ERBB4: variants seen among roughly 807,000 people sequenced by gnomAD.
The protein encoded by ERBB4 is erb-b2 receptor tyrosine kinase 4, also known as receptor tyrosine-protein kinase erbB-4.
A neutral mutation model predicts 158.0 loss-of-function variants in ERBB4; 42 were observed. The observed-to-expected ratio is 0.27, with a 90% CI of 0.21 to 0.34. ERBB4 has a LOEUF of 0.34. ERBB4 is among the 10% of genes least tolerant of loss of function. The pLI, the probability that ERBB4 is intolerant of heterozygous loss-of-function variation, is 1.00. For missense variants in ERBB4, 1,333 were observed against 1,624.1 expected (o/e 0.82, Z 3.08); for synonymous variants, 583 against 558.7 (o/e 1.04, Z -0.61).
chr2:212,332,258 T>C (rs2106297058), intron 1 of ERBB4, among the ~76,000 whole-genome samples: 1 of 152,116 alleles, frequency 6.6e-6, no homozygotes, highest in South Asian at 2.1e-4. Context: ...TTTGCTTGGC[T>C]CTCATTCTCT....
At position 211,892,496 on chromosome 2, in the gene ERBB4, A is replaced by C. The variant is rs1231846246; in HGVS notation, c.421+54934T>G. On this transcript the variant is annotated intron_variant, in intron 3 of 27. Coordinates refer to ENST00000342788, the MANE Select transcript of ERBB4 (RefSeq NM_005235.3). ...GGAAGCATTCCCTTTGAAAACTGGCACAAGACAGGGATGCCCTCTCTCACC... is the reference window on the plus strand; with the variant it reads ...GGAAGCATTCCCTTTGAAAACTGGCCCAAGACAGGGATGCCCTCTCTCACC... Among the ~76,000 whole-genome samples the C allele has an allele frequency of 2.2e-5, 3 of 137,194 alleles. 1 individual carries two copies. The highest frequency in any genetic ancestry group is 4.7e-5 in the Non-Finnish European group (3 of 64,046). The allele number at this position is 137,194 out of a possible 152,430, so 90.0% of individuals were successfully genotyped here. A position where few individuals can be genotyped will look rare whatever the true frequency, so the allele number is the denominator to read the frequency against.
chr2:211,951,546 A>ATATT (rs1470798877), intron 2 of ERBB4, among the ~76,000 whole-genome samples: 1 of 152,118 alleles, frequency 6.6e-6, no homozygotes, highest in Non-Finnish European at 1.5e-5. Flanking sequence ...ATTACTAAAT[A>ATATT]TATTTATATT....
In ERBB4 at chr2:211,376,077, AAGTT is replaced by A. The variant is rs1418821694; in HGVS notation, c.*7534_*7537del. Reference sequence around the variant, plus strand: ...ACTAAAAATATGCCTAACATTAAAAAAGTTAGTATGTGTTAGGTGCATGATCCTT... The same window carrying A: ...ACTAAAAATATGCCTAACATTAAAAAAGTATGTGTTAGGTGCATGATCCTT... On this transcript the variant is annotated 3_prime_UTR_variant, in exon 28 of 28. Coordinates refer to ENST00000342788, the MANE Select transcript of ERBB4 (RefSeq NM_005235.3). 3.0e-5 allele frequency: 7 copies of A among 233,066 alleles called. No individual in the cohort carries two copies. Among genetic ancestry groups the A allele is most frequent in the Non-Finnish European group, 5.1e-5 (6 of 117,754 alleles). The allele number at this position is 233,066 out of a possible 1,614,324, so 14.4% of individuals were successfully genotyped here.
intron 1 of ERBB4, among the ~76,000 whole-genome samples, chr2:212,205,758 A>G (rs2082727715): frequency 6.6e-6 from 1 of 152,206 alleles, no homozygotes; most frequent in Non-Finnish European, 1.5e-5. Context: ...TAGGTAAATC[A>G]TAGAGAGAAA....
At chr2:211,751,838 C>T (rs60584092) in intron 4 of ERBB4, among the ~76,000 whole-genome samples, 1 of 152,166 alleles carries the variant, frequency 6.6e-6, no homozygotes, top group Non-Finnish European at 1.5e-5. Context: ...TCAAAAGACA[C>T]TTTCTCTGGC....
intron 20 of ERBB4, among the ~76,000 whole-genome samples, chr2:211,552,714 C>T (rs78247177): frequency 0.01 from 1,592 of 152,222 alleles, 23 homozygotes; most frequent in South Asian, 0.044. Flanking sequence ...AGTATTCAGG[C>T]TTTACAAATA....
At chr2:212,031,599 T>C (rs1425330473) in intron 2 of ERBB4, among the ~76,000 whole-genome samples, 3 of 152,170 alleles carry the variant, frequency 2.0e-5, no homozygotes, top group Admixed American at 6.6e-5. Context: ...CAGTTGATGA[T>C]AGAATGACCA....
At chr2:211,483,727 T>G (rs2065138866) in intron 20 of ERBB4, among the ~76,000 whole-genome samples, 3 of 152,084 alleles carry the variant, frequency 2.0e-5, no homozygotes, top group Admixed American at 2.0e-4. Context: ...AATTTTTGTA[T>G]TTTTAGTAGA....
chr2:211,422,488 CAA>C (rs57602784), intron 23 of ERBB4, among the ~76,000 whole-genome samples: 30,784 of 102,110 alleles, frequency 0.3, 1,991 homozygotes, highest in South Asian at 0.5. Context: ...TCCTGGTGGA[CAA>C]AAAAAAAAAA....
intron 1 of ERBB4, chr2:212,426,124 G>A: frequency 3.2e-6 from 1 of 316,024 alleles, no homozygotes; most frequent in Non-Finnish European, 6.4e-6. Context: ...TAACAACTTT[G>A]TAAATATATT....
intron 21 of ERBB4, among the ~76,000 whole-genome samples, chr2:211,430,238 T>C (rs1249782348): frequency 2.0e-5 from 3 of 152,184 alleles, no homozygotes; most frequent in East Asian, 3.9e-4. Flanking sequence ...AGCCTAAGAT[T>C]GCATTTGCTT....
chr2:211,861,363 T>TTTTTTTG (rs2078050587), intron 3 of ERBB4, among the ~76,000 whole-genome samples: 2 of 99,766 alleles, frequency 2.0e-5, no homozygotes, highest in Non-Finnish European at 3.9e-5. Flanking sequence ...TTTTTTTTTT[T>TTTTTTTG]TTTTTTACTT....
intron 1 of ERBB4, among the ~76,000 whole-genome samples, chr2:212,512,774 C>T (rs1691597461): frequency 6.6e-6 from 1 of 151,946 alleles, no homozygotes; most frequent in Non-Finnish European, 1.5e-5. Flanking sequence ...TAAATCAAAT[C>T]AGCATATAAA....
At chr2:212,278,322 G>C (rs2085623874) in intron 1 of ERBB4, among the ~76,000 whole-genome samples, 1 of 151,602 alleles carries the variant, frequency 6.6e-6, no homozygotes. Context: ...TTTATTTTTT[G>C]TGTAACAGAC....
At chr2:211,984,834 T>C (rs1368032510) in intron 2 of ERBB4, among the ~76,000 whole-genome samples, 1 of 152,126 alleles carries the variant, frequency 6.6e-6, no homozygotes, top group Non-Finnish European at 1.5e-5. Context: ...GCAATTCTCC[T>C]GTCTCAGCCT....
chr2:212,341,939 T>C (rs1427998514), intron 1 of ERBB4, among the ~76,000 whole-genome samples: 1 of 152,112 alleles, frequency 6.6e-6, no homozygotes, highest in Non-Finnish European at 1.5e-5. Flanking sequence ...AAATAATATG[T>C]TGACCAAATA....
intron 2 of ERBB4, among the ~76,000 whole-genome samples, chr2:211,986,273 T>C (rs966247811): frequency 1.3e-5 from 2 of 152,198 alleles, no homozygotes; most frequent in African/African-American, 4.8e-5. Flanking sequence ...TTTCTATGGT[T>C]TAAAGCTACT....
intron 3 of ERBB4, among the ~76,000 whole-genome samples, chr2:211,939,212 T>C (rs839531): frequency 6.6e-6 from 1 of 152,158 alleles, no homozygotes; most frequent in African/African-American, 2.4e-5. Flanking sequence ...TAGTTTTGCC[T>C]GAAGAAATTG....
chr2:212,134,850 AT>A (rs1394241793), intron 1 of ERBB4, among the ~76,000 whole-genome samples: 43 of 151,436 alleles, frequency 2.8e-4, no homozygotes, highest in Admixed American at 5.9e-4. Flanking sequence ...TGCCTGGCTA[AT>A]TTTTTTTGTA....
Sources: allele counts gnomAD v4.1 joint callset (sites outside exome capture counted in the v4.1 genomes callset), GRCh38; gene constraint gnomAD v4.1.1; transcripts MANE v1.5; gene names NCBI Gene and HGNC (gene_info 2026-07-23, HGNC 2026-07-21).